The following CEP95 variants were observed in gnomAD, a reference collection of about 807,000 sequenced individuals.
The protein encoded by CEP95 is centrosomal protein 95.
CEP95 carries 98 observed loss-of-function variants against 111.2 expected under a neutral mutation model. The observed-to-expected ratio is 0.88, with a 90% confidence interval of 0.75 to 1.04. The LOEUF is 1.04. CEP95 is among the 50% of genes least tolerant of loss of function. The probability of loss-of-function intolerance (pLI) is 0.00; values close to 1 mark genes in which losing one functional copy is unlikely to be tolerated. For missense variants in CEP95, 1,027 were observed against 977.2 expected, an observed-to-expected ratio of 1.05 and a Z score of -0.68; for synonymous variants, 323 against 327.1, an observed-to-expected ratio of 0.99 and a Z score of 0.14.
At chr17:64,516,004 TTAAG>T (rs1306284649) in intron 4 of CEP95, 1 of 152,158 alleles carries the variant, frequency 6.6e-6, no homozygotes, top group Non-Finnish European at 1.5e-5. Flanking sequence ...GTTGTGAAAG[TTAAG>T]TAAGTAGATG....
intron 7 of CEP95, among the ~76,000 whole-genome samples, 157 bp from the exon 8 acceptor site, chr17:64,522,545 T>A (rs1422199218): frequency 1.3e-5 from 2 of 152,198 alleles, no homozygotes. Context: ...GCTGAGGCTA[T>A]ATCCCTGGTT....
chr17:64,533,267 A>G, intron 16 of CEP95, 76 bp downstream of exon 16: 4 of 1,232,860 alleles, frequency 3.2e-6, no homozygotes, highest in Non-Finnish European at 4.6e-6. Flanking sequence ...TAGCTGGGCA[A>G]CAGTTGCACA....
At chr17:64,509,376 A>G (rs1598173489) in intron 2 of CEP95, among the ~76,000 whole-genome samples, 2 of 152,306 alleles carry the variant, frequency 1.3e-5, no homozygotes, top group Admixed American at 1.3e-4. Flanking sequence ...CTAGTTGGCT[A>G]TTCAAAAGGA....
intron 4 of CEP95, 57 bp downstream of exon 4, chr17:64,514,415 C>T: frequency 1.3e-6 from 1 of 764,500 alleles, no homozygotes; most frequent in South Asian, 1.6e-5. Flanking sequence ...GTCCCTTTTG[C>T]CTTTTATCTT....
intron 10 of CEP95, among the ~76,000 whole-genome samples, chr17:64,526,837 G>A (rs1555679216): frequency 6.6e-6 from 1 of 152,166 alleles, no homozygotes; most frequent in East Asian, 1.9e-4. Context: ...GCATATGCCT[G>A]TAATCCCAGC....
intron 11 of CEP95, among the ~76,000 whole-genome samples, chr17:64,527,655 AT>A (rs1967929353): frequency 6.6e-6 from 1 of 152,046 alleles, no homozygotes; most frequent in African/African-American, 2.4e-5. Flanking sequence ...TACTGTATAT[AT>A]TATTCTGCAA....
intron 5 of CEP95, among the ~76,000 whole-genome samples, chr17:64,517,201 C>T (rs953909939): frequency 1.3e-5 from 2 of 152,116 alleles, no homozygotes; most frequent in African/African-American, 4.8e-5. Context: ...CACGCGCCAC[C>T]ATGCCCGGCT....
chr17:64,537,894 ATT>A lies in CEP95; in HGVS notation c.*118_*119del. On this transcript the variant is annotated 3_prime_UTR_variant, in exon 20 of 20. Coordinates refer to ENST00000556440, the MANE Select transcript of CEP95 (RefSeq NM_138363.3). ...AATAATTTTCAAATGCTTTACCTGT[ATT>A]TTCATTCCAGTACTTTTTATGATTT... 1 of 504,324 alleles carries A rather than the reference ATT, an allele frequency of 2.0e-6. No individual in the cohort carries two copies. The highest frequency in any genetic ancestry group is 3.2e-6 in the Non-Finnish European group (1 of 313,706). 31.2% of individuals were successfully genotyped at this position (504,324 alleles called of 1,614,324 possible).
chr17:64,508,541 A>AT (rs782580117), intron 1 of CEP95, 51 bp from the exon 2 acceptor site: 33 of 1,300,138 alleles, frequency 2.5e-5, no homozygotes, highest in Non-Finnish European at 2.9e-5. Flanking sequence ...TGTCTGTGTG[A>AT]TTTTTTTCTG....
chr17:64,507,934 G>A, intron 1 of CEP95: 1 of 985,404 alleles, frequency 1.0e-6, no homozygotes, highest in South Asian at 4.7e-5. Context: ...ATATCTAGGG[G>A]AGAGGAGAAT....
At chr17:64,529,714 T>A (rs11655248) in intron 12 of CEP95, among the ~76,000 whole-genome samples, 4,301 of 152,100 alleles carry the variant, frequency 0.028, 80 homozygotes, top group Non-Finnish European at 0.043. Flanking sequence ...GCTTCAGAGA[T>A]GAAGGGAATT....
chr17:64,531,773 AG>A, intron 13 of CEP95, 116 bp from the exon 14 acceptor site: 2 of 678,076 alleles, frequency 2.9e-6, no homozygotes, highest in Non-Finnish European at 4.4e-6. Flanking sequence ...GCTTACTGTT[AG>A]CTAAAAAACT....
At chr17:64,534,822 T>G in intron 17 of CEP95, 85 bp downstream of exon 17, 3 of 1,492,296 alleles carry the variant, frequency 2.0e-6, no homozygotes, top group Non-Finnish European at 2.7e-6. Flanking sequence ...GTGACTCTTG[T>G]CCAAATTTGA....
rs782133388 is a variant in CEP95 at position 64,537,036 on chromosome 17, AAC to A, written c.2218-3_2218-2del. The stretch of plus-strand genomic sequence containing the variant: ...AATATTTGTTTTTTTTCTTCCTATA[AAC>A]AGTTTTCATTGCTGGCAGAAGCCAT... On this transcript the variant is annotated splice_region_variant and splice_polypyrimidine_tract_variant and intron_variant, in intron 18 of 19. Transcript: ENST00000556440. 4 of 1,609,026 alleles carry A rather than the reference AAC, an allele frequency of 2.5e-6. No individual in the cohort carries two copies. The South Asian group carries it at 3.3e-5, about 13-fold the overall frequency.
chr17:64,535,196 A>C (rs1406496514), intron 17 of CEP95: 2 of 171,534 alleles, frequency 1.2e-5, no homozygotes, highest in Non-Finnish European at 2.5e-5. Flanking sequence ...CTAGCAATAA[A>C]TTTCATCTGT....
At chr17:64,536,465 T>C (rs1229408711) in intron 17 of CEP95, 137 bp from the exon 18 acceptor site, 1 of 584,708 alleles carries the variant, frequency 1.7e-6, no homozygotes, top group Non-Finnish European at 2.9e-6. Context: ...AGGAGGTACA[T>C]TTTATGGTAT....
intron 1 of CEP95, 80 bp from the exon 2 acceptor site, chr17:64,508,512 G>C: frequency 8.1e-7 from 1 of 1,241,342 alleles, no homozygotes; most frequent in Non-Finnish European, 1.0e-6. Flanking sequence ...TTGGGGGGGA[G>C]GTTGTTGGAT....
At chr17:64,518,339 G>A (rs1438374809) in intron 5 of CEP95, among the ~76,000 whole-genome samples, 5 of 152,020 alleles carry the variant, frequency 3.3e-5, no homozygotes, top group Non-Finnish European at 5.9e-5. Context: ...CATATCTTGA[G>A]GCTAGATTCA....
rs190964277 is a variant in CEP95 at position 64,514,091 on chromosome 17, A to G, written c.257-157A>G. ...TAATATTTATAATTGTTTCACCTGT[A>G]TTCTTTTTTTTATTTAATCTCCAAG... On this transcript the variant is annotated intron_variant, in intron 3 of 19. Transcript: ENST00000556440. The G allele has an allele frequency of 1.6e-5, 7 of 434,324 alleles. No homozygotes were observed. The Admixed American group carries it at 2.7e-4, about 17-fold the overall frequency. The allele number at this position is 434,324 out of a possible 1,614,324, so 26.9% of individuals were successfully genotyped here.
Sources: gnomAD v4.1 joint callset for allele counts (sites outside exome capture counted in the v4.1 genomes callset) on GRCh38, gnomAD v4.1.1 for gene constraint, MANE v1.5 for transcripts, NCBI Gene and HGNC (gene_info 2026-07-23, HGNC 2026-07-21) for gene names.